ABI1: variants seen among roughly 807,000 people sequenced by gnomAD.
ABI1 encodes Abelson interactor 1.
ABI1 carries 14 observed loss-of-function variants against 54.6 expected under a neutral mutation model. The ratio of observed to expected loss-of-function variants is 0.26; its 90% CI spans 0.17 to 0.40. The LOEUF is 0.40. Among genes scored for constraint, ABI1 ranks in the 10% least tolerant of loss-of-function variants. The pLI, the probability that ABI1 is intolerant of heterozygous loss-of-function variation, is 1.00. For synonymous variants in ABI1, 194 were observed against 209.3 expected (o/e 0.93, Z 0.63); for missense variants, 443 against 598.3 (o/e 0.74, Z 2.71).
intron 2 of ABI1, among the ~76,000 whole-genome samples, chr10:26,815,200 G>GCC (rs11419791): frequency 2.0e-4 from 31 of 151,454 alleles, no homozygotes; most frequent in East Asian, 7.8e-4. Flanking sequence ...AAGAATAAAT[G>GCC]CCCCCCCCAA....
intron 7 of ABI1, chr10:26,763,913 G>C (rs745974378): frequency 1.2e-6 from 2 of 1,613,442 alleles, no homozygotes; most frequent in South Asian, 1.1e-5. Flanking sequence ...AGTGGTGCCA[G>C]AGGTGGTGCT....
chr10:26,783,912 G>C (rs1438454435), intron 2 of ABI1, among the ~76,000 whole-genome samples: 1 of 152,038 alleles, frequency 6.6e-6, no homozygotes, highest in East Asian at 1.9e-4. Flanking sequence ...CTTGCACCTG[G>C]CCCTTCCAGA....
At position 26,755,726 on chromosome 10, in the gene ABI1, G is replaced by C. The variant is rs908247006; in HGVS notation, c.1013C>G (p.Pro338Arg). The change falls in exon 9 of 11, where the codon CCC becomes CGC. Residue 338 changes from proline to arginine, a missense_variant. By Grantham distance (103) the Pro-to-Arg change is moderately radical. This residue lies in a region of ABI1 where 394 missense variants were observed against 484.8 expected (regional missense o/e 0.81). Transcript: ENST00000376140. ...AGTCAACTGAGGCATAGGGGGAGGG[G>C]GTGGAGCAATAGAAACTGGTAGCAA... ...YSQNSISIAP[P>R]PPPMPQLTPQ... 9 of 1,612,668 alleles carry C rather than the reference G, an allele frequency of 5.6e-6. No homozygotes were observed. In the African/African-American group the frequency reaches 9.4e-5, roughly 17 times the overall value.
intron 1 of ABI1, among the ~76,000 whole-genome samples, chr10:26,829,705 AACAC>A (rs2048541470): frequency 6.6e-6 from 1 of 152,190 alleles, no homozygotes; most frequent in Non-Finnish European, 1.5e-5. Flanking sequence ...AATGGAATGA[AACAC>A]ACAAAATGTT....
intron 2 of ABI1, among the ~76,000 whole-genome samples, chr10:26,804,257 T>C (rs947991466): frequency 2.0e-5 from 3 of 151,796 alleles, no homozygotes; most frequent in African/African-American, 7.3e-5. Context: ...GTGGTGCATG[T>C]CTGTAGTCCC....
rs777847430 is a variant in ABI1 at position 26,770,074 on chromosome 10, C to A, written c.578+171G>T. ...ATTATAGAGAATATTACAAAGCTGG[C>A]AGATTCATTTGGGATTCTGTTCAGG... On this transcript the variant is annotated intron_variant, in intron 5 of 10. Transcript: ENST00000376140. 7.2e-5 allele frequency among the ~76,000 whole-genome samples: 11 copies of A among 152,164 alleles called. No homozygotes were observed. In the South Asian group the frequency reaches 1.2e-3, roughly 17 times the overall value.
chr10:26,857,764 G>C (rs921464621), intron 1 of ABI1, among the ~76,000 whole-genome samples: 1 of 150,110 alleles, frequency 6.7e-6, no homozygotes, highest in Non-Finnish European at 1.5e-5. Flanking sequence ...TGGGAGGACT[G>C]CTTGAGCCCA....
intron 1 of ABI1, among the ~76,000 whole-genome samples, chr10:26,844,700 T>C (rs2049841574): frequency 6.6e-6 from 1 of 152,236 alleles, no homozygotes; most frequent in Non-Finnish European, 1.5e-5. Context: ...GATTCACTTC[T>C]GTGACTGCAA....
chr10:26,784,532 C>T (rs1379629638), intron 2 of ABI1, among the ~76,000 whole-genome samples: 1 of 151,888 alleles, frequency 6.6e-6, no homozygotes, highest in East Asian at 1.9e-4. Context: ...AAAGTAGGTC[C>T]CACATAACTG....
chr10:26,860,414 G>A lies in ABI1; in HGVS notation c.117+333C>T, dbSNP rs1255664267. Among the ~76,000 whole-genome samples, 10 of 152,176 alleles carry A rather than the reference G, an allele frequency of 6.6e-5. No homozygotes were observed. The East Asian group carries it at 7.7e-4, about 12-fold the overall frequency. Reference sequence around the variant, plus strand: ...GCCCTGCGGACTGGAGGCTACCTGGGGGGCGCGCGACCCCGGTGGCCGGGC... The same window carrying A: ...GCCCTGCGGACTGGAGGCTACCTGGAGGGCGCGCGACCCCGGTGGCCGGGC... On this transcript the variant is annotated intron_variant, in intron 1 of 10. Coordinates refer to ENST00000376140, the MANE Select transcript of ABI1 (RefSeq NM_001012750.3). This position sits in a 1 kb window ranked among gnomAD's most constrained non-coding sequence, Gnocchi z 4.1.
At chr10:26,793,508 T>G (rs150886087) in intron 2 of ABI1, among the ~76,000 whole-genome samples, 1 of 152,352 alleles carries the variant, frequency 6.6e-6, no homozygotes, top group African/African-American at 2.4e-5. Context: ...CTGAAATATT[T>G]TGGCCTGGGA....
chr10:26,802,650 G>A (rs559369144), intron 2 of ABI1, among the ~76,000 whole-genome samples: 17 of 152,142 alleles, frequency 1.1e-4, no homozygotes, highest in Non-Finnish European at 2.1e-4. Flanking sequence ...AGGAAGTAGC[G>A]CTAACAGCAG....
At chr10:26,804,841 A>G (rs182463529) in intron 2 of ABI1, among the ~76,000 whole-genome samples, 1 of 152,320 alleles carries the variant, frequency 6.6e-6, no homozygotes, top group East Asian at 1.9e-4. Context: ...TTATCAAACT[A>G]TGTAAATGCC....
chr10:26,765,258 G>A lies in ABI1; in HGVS notation c.780C>T (p.Pro260=), dbSNP rs144709940. ...GTGGCGAAGGTGTAGGCACAGCAAT[G>A]GGAATGCCAATACTACTGCTACCAC... is the stretch of plus-strand genomic sequence containing the variant. The part of the protein sequence containing the change: ...ENSGSSSIGI[P]IAVPTPSPPT... Residue 260 remains proline, a synonymous_variant, in exon 7 of 11, where the codon CCC becomes CCT. Transcript: ENST00000376140. 7 of 1,604,800 alleles carry A rather than the reference G, an allele frequency of 4.4e-6. No homozygotes were observed. In the African/African-American group the frequency reaches 9.4e-5, roughly 22 times the overall value.
chr10:26,790,858 C>T (rs1843336791), intron 2 of ABI1, among the ~76,000 whole-genome samples: 1 of 151,912 alleles, frequency 6.6e-6, no homozygotes, highest in Non-Finnish European at 1.5e-5. Context: ...CATTTGAGTC[C>T]AGGAATTCGA....
chr10:26,807,352 G>A (rs2046941826), intron 2 of ABI1, among the ~76,000 whole-genome samples: 1 of 152,094 alleles, frequency 6.6e-6, no homozygotes. Context: ...GTGCATGCCT[G>A]TAGTCCCAGC....
At chr10:26,780,301 A>C (rs778706891) in intron 2 of ABI1, among the ~76,000 whole-genome samples, 1 of 152,186 alleles carries the variant, frequency 6.6e-6, no homozygotes, top group Non-Finnish European at 1.5e-5. Flanking sequence ...ATCACGGCTC[A>C]CTGCAATCTT....
intron 2 of ABI1, among the ~76,000 whole-genome samples, chr10:26,805,981 T>C (rs927571010): frequency 6.6e-6 from 1 of 152,134 alleles, no homozygotes; most frequent in African/African-American, 2.4e-5. Flanking sequence ...GCAGAAATCA[T>C]ACCCTACATT....
Position 26,860,919 on chromosome 10 carries a change from C to A in ABI1, c.-56G>T. The A allele has an allele frequency of 6.5e-7, 1 of 1,529,834 alleles. No individual in the cohort carries two copies. Among genetic ancestry groups the A allele is most frequent in the East Asian group, 2.2e-5 (1 of 44,454 alleles). The allele number at this position is 1,529,834 out of a possible 1,614,324, so 94.8% of individuals were successfully genotyped here. On this transcript the variant is annotated 5_prime_UTR_variant, in exon 1 of 11. Transcript: ENST00000376140. This position sits in a 1 kb window ranked among gnomAD's most constrained non-coding sequence, Gnocchi z 4.1. ...GTTAAAGAGACAGAGGCAGCAAGGT[C>A]CGCCGAGGCTCCGAGCACCTCACAG...
Sources: allele counts gnomAD v4.1 joint callset (sites outside exome capture counted in the v4.1 genomes callset), GRCh38; gene constraint gnomAD v4.1.1; regional missense constraint gnomAD v4.1.1; non-coding constraint Gnocchi (gnomAD v3.1); transcripts MANE v1.5; gene names NCBI Gene and HGNC (gene_info 2026-07-23, HGNC 2026-07-21).